The following SHFL variants were observed in gnomAD, a reference collection of about 807,000 sequenced individuals.
SHFL encodes shiftless antiviral inhibitor of ribosomal frameshifting, also known as shiftless antiviral inhibitor of ribosomal frameshifting protein.
Under a neutral mutation model 34.7 loss-of-function variants are expected in SHFL, and 12 were observed. The ratio of observed to expected loss-of-function variants is 0.35; its 90% CI spans 0.22 to 0.56. SHFL has a LOEUF of 0.56. SHFL is among the 20% of genes least tolerant of loss of function. SHFL has a pLI of 0.88. For synonymous variants in SHFL, 148 were observed against 156.0 expected (o/e 0.95, Z 0.38); for missense variants, 278 against 411.1 (o/e 0.68, Z 2.80).
At chr19:10,090,201 C>A in intron 5 of SHFL, 154 bp downstream of exon 5, 1 of 835,012 alleles carries the variant, frequency 1.2e-6, no homozygotes, top group Non-Finnish European at 1.9e-6. Flanking sequence ...TCTCTGATCC[C>A]AACCCCTGAC....
Position 10,090,344 on chromosome 19 carries a change from T to C in SHFL, c.384+297T>C, listed in dbSNP as rs2145156445. The C allele has an allele frequency of 1.1e-5, 4 of 371,080 alleles. 1 individual carries two copies. In the East Asian group the frequency reaches 2.0e-4, roughly 19 times the overall value. The allele number at this position is 371,080 out of a possible 1,614,324, so 23.0% of individuals were successfully genotyped here. ...CAGGCGCAGTGGCTCATGGCTGCAATCTCAGTGTTTTGGGAGGCTAAGTAG... is the reference window on the plus strand; with the variant it reads ...CAGGCGCAGTGGCTCATGGCTGCAACCTCAGTGTTTTGGGAGGCTAAGTAG... On this transcript the variant is annotated intron_variant, in intron 5 of 7. Coordinates refer to ENST00000253110, the MANE Select transcript of SHFL (RefSeq NM_018381.4).
At chr19:10,092,001 T>C in intron 7 of SHFL, 69 bp from the exon 8 acceptor site, 2 of 1,600,218 alleles carry the variant, frequency 1.2e-6, no homozygotes, top group Admixed American at 1.8e-5. Context: ...CCGCGTGGCC[T>C]AAGTCCCCTC....
chr19:10,086,996 C>T lies in SHFL; in HGVS notation c.89C>T (p.Ala30Val), dbSNP rs1278525132. 6.2e-7 allele frequency: 1 copy of T among 1,613,560 alleles called. No individual in the cohort carries two copies. Among genetic ancestry groups the T allele is most frequent in the Admixed American group, 1.7e-5 (1 of 59,974 alleles). ...HGKVSSKKAG[A>V]LMRKFGSDHT... is the part of the protein sequence containing the mutation. The stretch of plus-strand genomic sequence containing the variant: ...AAGGTATCCTCCAAGAAGGCGGGGG[C>T]TCTGATGAGGAAATTCGGCAGCGAC... The change falls in exon 2 of 8, where the codon GCT (alanine) becomes GTT (valine). Residue 30 changes from alanine (A) to valine (V), a missense_variant. Ala to Val is a moderately conservative substitution (Grantham distance 64). Coordinates refer to ENST00000253110, the MANE Select transcript of SHFL (RefSeq NM_018381.4). The surrounding 1 kb of genome is among the most constrained non-coding windows in gnomAD (Gnocchi z 5.2).
Position 10,091,877 on chromosome 19 carries a change from C to A in SHFL, c.644-193C>A, listed in dbSNP as rs1036673653. The stretch of plus-strand genomic sequence containing the variant: ...TCTGGGTTTGGGGCCCCTGTTTTGT[C>A]CCCTGTAATCTCAGGTGACCCCCAT... On this transcript the variant is annotated intron_variant, in intron 7 of 7. Coordinates refer to ENST00000253110, the MANE Select transcript of SHFL (RefSeq NM_018381.4). This position sits in a 1 kb window ranked among gnomAD's most constrained non-coding sequence, Gnocchi z 8.2. 3.6e-5 allele frequency: 31 copies of A among 861,374 alleles called. No individual in the cohort carries two copies. The highest frequency in any genetic ancestry group is 6.0e-5 in the Admixed American group (2 of 33,240). 53.4% of individuals were successfully genotyped at this position (861,374 alleles called of 1,614,324 possible).
At position 10,086,461 on chromosome 19, in the gene SHFL, T is replaced by C. The variant is rs2088285146; in HGVS notation, c.21+13T>C. On this transcript the variant is annotated intron_variant, in intron 1 of 7. Coordinates refer to ENST00000253110, the MANE Select transcript of SHFL (RefSeq NM_018381.4). This position sits in a 1 kb window ranked among gnomAD's most constrained non-coding sequence, Gnocchi z 5.2. ...GGAAGGTGTGGAGGTAAGCGATGGC[T>C]ACGGCTGGGCCGGGGTCAGCCGCGA... 2 of 1,374,436 alleles carry C rather than the reference T, an allele frequency of 1.5e-6. No individual in the cohort carries two copies. Among genetic ancestry groups the C allele is most frequent in the Admixed American group, 5.9e-5 (2 of 33,752 alleles). The allele number at this position is 1,374,436 out of a possible 1,614,324, so 85.1% of individuals were successfully genotyped here. A position where few individuals can be genotyped will look rare whatever the true frequency, so the allele number is the denominator to read the frequency against.
Position 10,091,468 on chromosome 19 carries a change from G to C in SHFL, c.489-8G>C. ...CCCTCGGACCCTCACAGCCCTGCCC[G>C]CCCCCAGGGGCTGGGCACAGATGGG... On this transcript the variant is annotated splice_region_variant and splice_polypyrimidine_tract_variant and intron_variant, in intron 6 of 7. Transcript: ENST00000253110. The surrounding 1 kb of genome is among the most constrained non-coding windows in gnomAD (Gnocchi z 8.2). 1 of 1,262,012 alleles carries C rather than the reference G, an allele frequency of 7.9e-7. No homozygotes were observed. The highest frequency in any genetic ancestry group is 1.0e-6 in the Non-Finnish European group (1 of 971,546). The allele number at this position is 1,262,012 out of a possible 1,614,324, so 78.2% of individuals were successfully genotyped here.
intron 3 of SHFL, chr19:10,089,285 C>A (rs778147475): frequency 6.3e-7 from 1 of 1,596,098 alleles, no homozygotes; most frequent in African/African-American, 1.3e-5. Flanking sequence ...GGGATTTGAA[C>A]CCACATCTCT....
At position 10,086,701 on chromosome 19, in the gene SHFL, C is replaced by CA. The variant is rs910251270; in HGVS notation, c.22-228_22-227insA. 3 of 611,814 alleles carry CA rather than the reference C, an allele frequency of 4.9e-6. No individual in the cohort carries two copies. The highest frequency in any genetic ancestry group is 3.7e-5 in the African/African-American group (2 of 53,676). 37.9% of individuals were successfully genotyped at this position (611,814 alleles called of 1,614,324 possible). On this transcript the variant is annotated intron_variant, in intron 1 of 7. Transcript: ENST00000253110. This position sits in a 1 kb window ranked among gnomAD's most constrained non-coding sequence, Gnocchi z 5.2. Reference sequence around the variant, plus strand: ...GAGGCCAGAGATAACCTGGCCGCCCCCCCACACCTTAGGCTGGGACGCTCG... The same window carrying CA: ...GAGGCCAGAGATAACCTGGCCGCCCCACCCACACCTTAGGCTGGGACGCTCG...
At position 10,092,677 on chromosome 19, in the gene SHFL, T is replaced by C. The variant is rs910276492; in HGVS notation, c.*375T>C. The C allele has an allele frequency of 2.5e-6, 4 of 1,613,912 alleles. No homozygotes were observed. The highest frequency in any genetic ancestry group is 2.7e-5 in the African/African-American group (2 of 74,924). On this transcript the variant is annotated 3_prime_UTR_variant, in exon 8 of 8. Coordinates refer to ENST00000253110, the MANE Select transcript of SHFL (RefSeq NM_018381.4). ...CTCAGCCCAGTAGACACCATCCTGGTAGCGGCTTCGGTAGTGGCCGCCGTG... is the reference window on the plus strand; with the variant it reads ...CTCAGCCCAGTAGACACCATCCTGGCAGCGGCTTCGGTAGTGGCCGCCGTG...
In SHFL at chr19:10,092,832, T is replaced by A. The variant is rs1375722631; in HGVS notation, c.*530T>A. ...TCTCACCAGAATAAAAGCCTCTACC[T>A]GCACCTCACAGTGCAAGGCTTTTGC... On this transcript the variant is annotated 3_prime_UTR_variant, in exon 8 of 8. Coordinates refer to ENST00000253110, the MANE Select transcript of SHFL (RefSeq NM_018381.4). 2.1e-6 allele frequency: 3 copies of A among 1,455,078 alleles called. No homozygotes were observed. Among genetic ancestry groups the A allele is most frequent in the Non-Finnish European group, 2.8e-6 (3 of 1,080,590 alleles). The allele number at this position is 1,455,078 out of a possible 1,614,324, so 90.1% of individuals were successfully genotyped here.
intron 3 of SHFL, chr19:10,087,531 G>C (rs1273754765): frequency 1.7e-6 from 1 of 585,730 alleles, no homozygotes; most frequent in African/African-American, 1.9e-5. Context: ...ATGGGGGAGA[G>C]AGCCATGAAA....
chr19:10,086,820 A>T lies in SHFL; in HGVS notation c.22-109A>T. 3.2e-6 allele frequency: 4 copies of T among 1,234,386 alleles called. No individual in the cohort carries two copies. Among genetic ancestry groups the T allele is most frequent in the Non-Finnish European group, 4.5e-6 (4 of 895,042 alleles). The allele number at this position is 1,234,386 out of a possible 1,614,324, so 76.5% of individuals were successfully genotyped here. A position where few individuals can be genotyped will look rare whatever the true frequency, so the allele number is the denominator to read the frequency against. Reference sequence around the variant, plus strand: ...ATGAAAGGCGGGGGGGGGGCGGCGGAGGCCAAAACCAAGGGTCAAGTTCGG... The same window carrying T: ...ATGAAAGGCGGGGGGGGGGCGGCGGTGGCCAAAACCAAGGGTCAAGTTCGG... On this transcript the variant is annotated intron_variant, in intron 1 of 7. Transcript: ENST00000253110. This position sits in a 1 kb window ranked among gnomAD's most constrained non-coding sequence, Gnocchi z 5.2.
chr19:10,087,692 G>A (rs2088310041), intron 3 of SHFL: 1 of 248,984 alleles, frequency 4.0e-6, no homozygotes, highest in Non-Finnish European at 7.8e-6. Flanking sequence ...GGGTCTTGGG[G>A]TGGGGGAGGG....
In SHFL at chr19:10,092,502, C is replaced by T; in HGVS notation, c.*200C>T. The T allele has an allele frequency of 6.6e-7, 1 of 1,526,414 alleles. No homozygotes were observed. Among genetic ancestry groups the T allele is most frequent in the Non-Finnish European group, 8.8e-7 (1 of 1,130,552 alleles). The allele number at this position is 1,526,414 out of a possible 1,614,324, so 94.6% of individuals were successfully genotyped here. A position where few individuals can be genotyped will look rare whatever the true frequency, so the allele number is the denominator to read the frequency against. On this transcript the variant is annotated 3_prime_UTR_variant, in exon 8 of 8. Transcript: ENST00000253110. ...GGAAGTTCTGTGGGACACATTGGCACTGAGCCACAAAGAAGGTGTGGCCAG... is the reference window on the plus strand; with the variant it reads ...GGAAGTTCTGTGGGACACATTGGCATTGAGCCACAAAGAAGGTGTGGCCAG...
chr19:10,086,764 TTTG>T lies in SHFL; in HGVS notation c.22-164_22-162del. The T allele has an allele frequency of 1.1e-6, 1 of 910,076 alleles. No individual in the cohort carries two copies. Among genetic ancestry groups the T allele is most frequent in the Non-Finnish European group, 1.6e-6 (1 of 608,664 alleles). The allele number at this position is 910,076 out of a possible 1,614,324, so 56.4% of individuals were successfully genotyped here. On this transcript the variant is annotated intron_variant, in intron 1 of 7. Transcript: ENST00000253110. The surrounding 1 kb of genome is among the most constrained non-coding windows in gnomAD (Gnocchi z 5.2). ...CCTTCCCCCAACGCCCTGTGGGGACTTTGGCTTTTTCCAGGAAATGCCGTAAAG... is the reference window on the plus strand; with the variant it reads ...CCTTCCCCCAACGCCCTGTGGGGACTGCTTTTTCCAGGAAATGCCGTAAAG...
At position 10,086,800 on chromosome 19, in the gene SHFL, AGGC is replaced by A. The variant is rs1282057815; in HGVS notation, c.22-126_22-124del. On this transcript the variant is annotated intron_variant, in intron 1 of 7. Transcript: ENST00000253110. The surrounding 1 kb of genome is among the most constrained non-coding windows in gnomAD (Gnocchi z 5.2). ...CCAGGAAATGCCGTAAAGGGATGAA[AGGC>A]GGGGGGGGGGCGGCGGAGGCCAAAA... 1.2e-4 allele frequency: 134 copies of A among 1,135,136 alleles called. No homozygotes were observed. The Admixed American group carries it at 1.4e-3, about 12-fold the overall frequency. 70.3% of individuals were successfully genotyped at this position (1,135,136 alleles called of 1,614,324 possible).
rs2088347203 is a variant in SHFL, at chr19:10,089,643, C to G, written c.196-14C>G. ...GCCCCATCCCCAGTTTCTGCCCCTGCTATCTCCACCCAGGATCCACCAGAA... is the reference window on the plus strand; with the variant it reads ...GCCCCATCCCCAGTTTCTGCCCCTGGTATCTCCACCCAGGATCCACCAGAA... On this transcript the variant is annotated splice_polypyrimidine_tract_variant and intron_variant, in intron 3 of 7. Transcript: ENST00000253110. The G allele has an allele frequency of 1.3e-6, 2 of 1,587,960 alleles. No homozygotes were observed. Among genetic ancestry groups the G allele is most frequent in the African/African-American group, 1.3e-5 (1 of 74,588 alleles).
At position 10,091,421 on chromosome 19, in the gene SHFL, GC is replaced by G; in HGVS notation, c.489-51del. 1.3e-6 allele frequency: 2 copies of G among 1,557,802 alleles called. No homozygotes were observed. Among genetic ancestry groups the G allele is most frequent in the Non-Finnish European group, 1.7e-6 (2 of 1,146,468 alleles). ...CCCAGCCCTGCCCCTCCCTGCCCTGGCCCCACCCTGGCCCAGCCTCGCCCTC... is the reference window on the plus strand; with the variant it reads ...CCCAGCCCTGCCCCTCCCTGCCCTGGCCCACCCTGGCCCAGCCTCGCCCTC... On this transcript the variant is annotated intron_variant, in intron 6 of 7. Coordinates refer to ENST00000253110, the MANE Select transcript of SHFL (RefSeq NM_018381.4). This position sits in a 1 kb window ranked among gnomAD's most constrained non-coding sequence, Gnocchi z 8.2.
At position 10,092,495 on chromosome 19, in the gene SHFL, A is replaced by G. The variant is rs15723; in HGVS notation, c.*193A>G. The G allele has an allele frequency of 0.087, 133,108 of 1,523,504 alleles. 6,462 individuals are homozygous for G. Among genetic ancestry groups the G allele is most frequent in the Non-Finnish European group, 0.1 (112,734 of 1,128,486 alleles). The allele number at this position is 1,523,504 out of a possible 1,614,324, so 94.4% of individuals were successfully genotyped here. On this transcript the variant is annotated 3_prime_UTR_variant, in exon 8 of 8. Coordinates refer to ENST00000253110, the MANE Select transcript of SHFL (RefSeq NM_018381.4). ...CACAGTGGGAAGTTCTGTGGGACAC[A>G]TTGGCACTGAGCCACAAAGAAGGTG...
Sources: gnomAD v4.1 joint callset for allele counts on GRCh38, gnomAD v4.1.1 for gene constraint, Gnocchi (gnomAD v3.1) non-coding constraint, MANE v1.5 for transcripts, NCBI Gene and HGNC (gene_info 2026-07-23, HGNC 2026-07-21) for gene names.